HMGCLL1: variants seen among roughly 807,000 people sequenced by gnomAD.
The protein encoded by HMGCLL1 is 3-hydroxy-3-methylglutaryl-CoA lyase like 1, also known as 3-hydroxymethyl-3-methylglutaryl-CoA lyase, cytoplasmic.
HMGCLL1 carries 36 observed loss-of-function variants against 39.1 expected under a neutral mutation model. The observed-to-expected ratio is 0.92, with a 90% CI of 0.71 to 1.22. The LOEUF (loss-of-function observed/expected upper bound fraction) is 1.22, where lower values mean the gene tolerates loss of function less well. Among genes scored for constraint, HMGCLL1 ranks in the 50% most tolerant of loss-of-function variants. The pLI is 0.00. For synonymous variants in HMGCLL1, 149 were observed against 144.0 expected, an observed-to-expected ratio of 1.03 and a Z score of -0.25; for missense variants, 451 against 416.5, an observed-to-expected ratio of 1.08 and a Z score of -0.72.
intron 5 of HMGCLL1, among the ~76,000 whole-genome samples, chr6:55,503,669 A>G (rs1474708137): frequency 6.6e-6 from 1 of 151,658 alleles, no homozygotes; most frequent in East Asian, 1.9e-4. Context: ...GCATTCACAT[A>G]GCATATTTAG....
At chr6:55,459,818 T>C (rs1561893203) in intron 7 of HMGCLL1, among the ~76,000 whole-genome samples, 1 of 151,892 alleles carries the variant, frequency 6.6e-6, no homozygotes, top group Non-Finnish European at 1.5e-5. Context: ...TTGTTGAATA[T>C]ATATACAGAT....
intron 2 of HMGCLL1, 82 bp from the exon 3 acceptor site, chr6:55,541,918 G>C: frequency 1.1e-6 from 1 of 951,302 alleles, no homozygotes. Flanking sequence ...CTAAGTCAAA[G>C]TGAGTATTAT....
At chr6:55,580,619 G>T (rs976497401), upstream of HMGCLL1, among the ~76,000 whole-genome samples, 12 of 151,944 alleles carry the variant, frequency 7.9e-5, no homozygotes, top group Non-Finnish European at 1.2e-4. Context: ...GTTTCACCGC[G>T]TTAGCCAGGA....
intron 7 of HMGCLL1, among the ~76,000 whole-genome samples, chr6:55,492,503 C>T (rs1766368032): frequency 6.6e-6 from 1 of 152,140 alleles, no homozygotes; most frequent in South Asian, 2.1e-4. Flanking sequence ...ATAAAAGTTT[C>T]AAAACATTTG....
intron 7 of HMGCLL1, among the ~76,000 whole-genome samples, chr6:55,464,137 C>T (rs1238940319): frequency 6.6e-6 from 1 of 151,966 alleles, no homozygotes; most frequent in Non-Finnish European, 1.5e-5. Context: ...ACATTAAATT[C>T]CAAGAGAATT....
chr6:55,549,291 C>T lies in HMGCLL1; in HGVS notation c.109-7151G>A, dbSNP rs1770177352. Among the ~76,000 whole-genome samples, 2 of 151,802 alleles carry T rather than the reference C, an allele frequency of 1.3e-5. 1 individual carries two copies. The highest frequency in any genetic ancestry group is 4.8e-5 in the African/African-American group (2 of 41,268). ...TCTTCACCAACAAAATTTGTTTGAT[C>T]TCACACTCTCCCACCTTGCTGTCAG... On this transcript the variant is annotated intron_variant, in intron 1 of 8. Transcript: ENST00000274901.
At chr6:55,642,854 A>G in the HMGCLL1 span, among the ~76,000 whole-genome samples, 3 of 151,994 alleles carry the variant, frequency 2.0e-5, no homozygotes, top group African/African-American at 7.2e-5. Context: ...ATATGTACTC[A>G]TCATTTAGCA....
At chr6:55,655,711 A>G in the HMGCLL1 span, among the ~76,000 whole-genome samples, 22 of 152,122 alleles carry the variant, frequency 1.4e-4, no homozygotes, top group East Asian at 4.1e-3. Context: ...CTTCATACTT[A>G]CCAACACTTC....
At chr6:55,600,358 A>G in the HMGCLL1 span, among the ~76,000 whole-genome samples, 1 of 152,276 alleles carries the variant, frequency 6.6e-6, no homozygotes, top group Admixed American at 6.5e-5. Context: ...ATATCAATTT[A>G]GGTGTGAGAG....
intron 7 of HMGCLL1, among the ~76,000 whole-genome samples, chr6:55,477,288 TATAAAATAATATATATTA>T (rs1480598609): frequency 1.9e-3 from 31 of 16,516 alleles, no homozygotes; most frequent in East Asian, 3.8e-3. Flanking sequence ...ATATATTATA[TATAAAATAATATATATTA>T]TATATATAAT....
intron 1 of HMGCLL1, among the ~76,000 whole-genome samples, chr6:55,564,924 C>G (rs1156828641): frequency 6.6e-6 from 1 of 151,650 alleles, no homozygotes; most frequent in Non-Finnish European, 1.5e-5. Flanking sequence ...TCAGGTTTTT[C>G]CACCTCAGCC....
intron 3 of HMGCLL1, among the ~76,000 whole-genome samples, chr6:55,519,702 T>C (rs1271909367): frequency 2.0e-5 from 3 of 152,108 alleles, no homozygotes; most frequent in Admixed American, 6.6e-5. Context: ...TGCTTAAGCC[T>C]AAGTAAACAT....
At chr6:55,548,562 T>G (rs1770123897) in intron 1 of HMGCLL1, among the ~76,000 whole-genome samples, 1 of 151,990 alleles carries the variant, frequency 6.6e-6, no homozygotes, top group Admixed American at 6.6e-5. Context: ...TTATTCAAAT[T>G]TTTAAAATGA....
intron 1 of HMGCLL1, among the ~76,000 whole-genome samples, chr6:55,557,813 C>T (rs945113301): frequency 6.6e-6 from 1 of 152,124 alleles, no homozygotes; most frequent in Non-Finnish European, 1.5e-5. Flanking sequence ...CAATAAATTA[C>T]GTTGCCCGTA....
At chr6:55,609,684 C>A in the HMGCLL1 span, among the ~76,000 whole-genome samples, 1 of 152,174 alleles carries the variant, frequency 6.6e-6, no homozygotes, top group South Asian at 2.1e-4. Context: ...AGCCAAAATG[C>A]TTCATTAAAT....
chr6:55,531,005 A>T (rs1047061358), intron 3 of HMGCLL1, among the ~76,000 whole-genome samples: 4 of 152,180 alleles, frequency 2.6e-5, no homozygotes, highest in Non-Finnish European at 5.9e-5. Context: ...TATTCTTGAA[A>T]ATAAGTACTG....
the HMGCLL1 span, among the ~76,000 whole-genome samples, chr6:55,626,661 C>T: frequency 6.6e-6 from 1 of 152,036 alleles, no homozygotes; most frequent in Non-Finnish European, 1.5e-5. Flanking sequence ...AAGATTTTTG[C>T]TTCCTGTTCC....
At chr6:55,624,489 C>T in the HMGCLL1 span, among the ~76,000 whole-genome samples, 1 of 152,146 alleles carries the variant, frequency 6.6e-6, no homozygotes, top group Non-Finnish European at 1.5e-5. Flanking sequence ...CTTTACTGTC[C>T]TACCACAGGG....
At chr6:55,523,956 A>G (rs1768174231) in intron 3 of HMGCLL1, among the ~76,000 whole-genome samples, 1 of 151,990 alleles carries the variant, frequency 6.6e-6, no homozygotes, top group African/African-American at 2.4e-5. Context: ...GCATGTTTCT[A>G]TTTTTAATTG....
Sources: gnomAD v4.1 joint callset for allele counts (sites outside exome capture counted in the v4.1 genomes callset) on GRCh38, gnomAD v4.1.1 for gene constraint, MANE v1.5 for transcripts, NCBI Gene and HGNC (gene_info 2026-07-23, HGNC 2026-07-21) for gene names.